Variants in CNGA1 observed in about 807,000 individuals in gnomAD.
CNGA1 encodes cyclic nucleotide-gated channel alpha-1.
CNGA1 carries 53 observed loss-of-function variants against 69.7 expected under a neutral mutation model. The ratio of observed to expected loss-of-function variants is 0.76; its 90% CI spans 0.61 to 0.96. The LOEUF is 0.96. Among genes scored for constraint, CNGA1 ranks in the 40% least tolerant of loss-of-function variants. The probability of loss-of-function intolerance (pLI) is 0.00; values close to 1 mark genes in which losing one functional copy is unlikely to be tolerated. For missense variants in CNGA1, 739 were observed against 811.2 expected, an observed-to-expected ratio of 0.91 and a Z score of 1.08; for synonymous variants, 249 against 283.5, an observed-to-expected ratio of 0.88 and a Z score of 1.22.
At position 47,950,062 on chromosome 4, in the gene CNGA1, A is replaced by G. The variant is rs537427434; in HGVS notation, c.225-167T>C. 3.2e-3 allele frequency among the ~76,000 whole-genome samples: 485 copies of G among 152,350 alleles called. 1 individual carries two copies. The highest frequency in any genetic ancestry group is 5.5e-3 in the Non-Finnish European group (372 of 68,028). Reference sequence around the variant, plus strand: ...ACATATTATGAAGCATAAAGCATAAAAGTATATCCTGAGCCTCCATGAAGC... The same window carrying G: ...ACATATTATGAAGCATAAAGCATAAGAGTATATCCTGAGCCTCCATGAAGC... On this transcript the variant is annotated intron_variant, in intron 5 of 10. Coordinates refer to ENST00000514170, the MANE Select transcript of CNGA1 (RefSeq NM_001379270.1).
intron 2 of CNGA1, among the ~76,000 whole-genome samples, chr4:48,003,078 T>C (rs321642): frequency 0.82 from 124,650 of 152,120 alleles, 51,538 homozygotes; most frequent in Middle Eastern, 0.89. Context: ...GAGGTCCTGA[T>C]GACATGTGCC....
rs970382175 is a variant in CNGA1, at chr4:47,959,773, T to G, written c.-14-7070A>C. 3.3e-5 allele frequency among the ~76,000 whole-genome samples: 5 copies of G among 152,154 alleles called. 1 individual carries two copies. The East Asian group carries it at 7.7e-4, about 24-fold the overall frequency. On this transcript the variant is annotated intron_variant, in intron 3 of 10. Transcript: ENST00000514170. ...CACCTGCCACCATGCCTGGCTAATT[T>G]TTTTGTATTTTTAGTAGAGTCGGGG...
rs1449963070 is a variant in CNGA1, at chr4:47,936,655, A to C, written c.1827T>G (p.Ile609Met). ...CTTTAGGATCACTGCCAGCATTTGC[A>C]ATGTTTAGATCCAGTAGACCATCTT... ...LMKDGLLDLN[I>M]ANAGSDPKDL... Residue 609 changes from isoleucine (I) to methionine (M), a missense_variant, in exon 11 of 11, where the codon ATT (isoleucine) becomes ATG (methionine). Coordinates refer to ENST00000514170, the MANE Select transcript of CNGA1 (RefSeq NM_001379270.1). 1.4e-5 allele frequency: 23 copies of C among 1,614,146 alleles called. No homozygotes were observed. The highest frequency in any genetic ancestry group is 1.9e-5 in the Non-Finnish European group (23 of 1,180,008).
intron 2 of CNGA1, among the ~76,000 whole-genome samples, chr4:47,984,356 A>G (rs1217562303): frequency 2.6e-5 from 4 of 152,034 alleles, no homozygotes; most frequent in African/African-American, 9.7e-5. Context: ...GGTGGCTCAC[A>G]CCTGTAATCA....
intron 6 of CNGA1, among the ~76,000 whole-genome samples, chr4:47,943,776 T>G (rs1739236235): frequency 6.6e-6 from 1 of 152,238 alleles, no homozygotes; most frequent in Non-Finnish European, 1.5e-5. Flanking sequence ...TCATTTACAT[T>G]TATCCTTGAA....
chr4:47,996,122 C>G (rs934298086), intron 2 of CNGA1, among the ~76,000 whole-genome samples: 1 of 152,156 alleles, frequency 6.6e-6, no homozygotes, highest in Non-Finnish European at 1.5e-5. Flanking sequence ...TTTATTCCTA[C>G]AGTCATTCTG....
chr4:47,943,715 C>T (rs1306906556), intron 6 of CNGA1, among the ~76,000 whole-genome samples: 6 of 152,190 alleles, frequency 3.9e-5, no homozygotes, highest in South Asian at 4.1e-4. Flanking sequence ...GAGTGTTCTT[C>T]GAAAGTGTTA....
At chr4:48,009,977 G>A (rs527723733) in intron 2 of CNGA1, among the ~76,000 whole-genome samples, 1 of 152,178 alleles carries the variant, frequency 6.6e-6, no homozygotes, top group South Asian at 2.1e-4. Context: ...TAGGCATGCC[G>A]ATAGAAGTAC....
In CNGA1 at chr4:47,943,399, T is replaced by C. The variant is rs766004809; in HGVS notation, c.301A>G (p.Lys101Glu). The C allele has an allele frequency of 9.3e-6, 14 of 1,498,132 alleles. 1 individual carries two copies. In the South Asian group the frequency reaches 1.7e-4, roughly 18 times the overall value. 92.8% of individuals were successfully genotyped at this position (1,498,132 alleles called of 1,614,324 possible). ...SSNKDQEPEE[K>E]KKKKKEKKSK... ...TTCTTTTCTTTTTTCTTTTTCTTTT[T>C]TTCTTCTGGTTCCCTAAAGAAAAAA... Residue 101 changes from lysine to glutamate, a missense_variant, in exon 7 of 11, where the codon AAA (lysine) becomes GAA (glutamate). Lys to Glu is a moderately conservative substitution (Grantham distance 56, BLOSUM62 1). Coordinates refer to ENST00000514170, the MANE Select transcript of CNGA1 (RefSeq NM_001379270.1).
intron 3 of CNGA1, among the ~76,000 whole-genome samples, chr4:47,980,141 C>G (rs1741621107): frequency 1.3e-5 from 2 of 152,174 alleles, no homozygotes; most frequent in Non-Finnish European, 2.9e-5. Flanking sequence ...ACTCCCTACC[C>G]TCTTTTATTT....
intron 2 of CNGA1, among the ~76,000 whole-genome samples, chr4:47,983,253 T>G (rs1477285005): frequency 8.9e-6 from 1 of 111,734 alleles, no homozygotes; most frequent in Non-Finnish European, 2.2e-5. Context: ...GTGTCCATCC[T>G]TTTATATCAT....
rs1044388449 is a variant in CNGA1 at position 47,997,067 on chromosome 4, A to C, written c.-123+13727T>G. On this transcript the variant is annotated intron_variant, in intron 2 of 10. Transcript: ENST00000514170. ...AGAGTGAGATTCTGTCTGAAAAAAA[A>C]CAAAAACTTAGGTAAATATGAAATC... Among the ~76,000 whole-genome samples, 8 of 152,144 alleles carry C rather than the reference A, an allele frequency of 5.3e-5. No homozygotes were observed. In the East Asian group the frequency reaches 5.8e-4, roughly 11 times the overall value.
intron 3 of CNGA1, among the ~76,000 whole-genome samples, chr4:47,977,767 T>C (rs991238425): frequency 2.0e-5 from 3 of 152,164 alleles, no homozygotes; most frequent in African/African-American, 7.2e-5. Context: ...AAAACACTAC[T>C]TGCATGTCTA....
intron 3 of CNGA1, among the ~76,000 whole-genome samples, chr4:47,961,456 G>A (rs1460995602): frequency 6.6e-6 from 1 of 152,192 alleles, no homozygotes; most frequent in African/African-American, 2.4e-5. Context: ...TAAATATGCT[G>A]TCCAGGCCAA....
chr4:47,988,901 T>C (rs1276970218), intron 2 of CNGA1, among the ~76,000 whole-genome samples: 1 of 152,000 alleles, frequency 6.6e-6, no homozygotes, highest in Non-Finnish European at 1.5e-5. Flanking sequence ...AGCGGACCCA[T>C]GTAGTTCAAG....
chr4:47,961,349 T>C (rs765583209), intron 3 of CNGA1, among the ~76,000 whole-genome samples: 3 of 152,052 alleles, frequency 2.0e-5, no homozygotes, highest in South Asian at 2.1e-4. Flanking sequence ...TTGAGTAAGG[T>C]TGGGGTTGGG....
At chr4:47,980,415 T>C (rs1316900363) in intron 3 of CNGA1, among the ~76,000 whole-genome samples, 2 of 152,144 alleles carry the variant, frequency 1.3e-5, no homozygotes, top group Non-Finnish European at 2.9e-5. Context: ...GTACGCATTT[T>C]TTAATTAAAG....
chr4:48,001,576 A>T (rs1019377905), intron 2 of CNGA1, among the ~76,000 whole-genome samples: 31 of 152,260 alleles, frequency 2.0e-4, no homozygotes, highest in Non-Finnish European at 4.4e-4. Context: ...TAATGATAAA[A>T]TTGTCTATTA....
At chr4:47,966,796 G>T (rs1740747461) in intron 3 of CNGA1, among the ~76,000 whole-genome samples, 1 of 152,096 alleles carries the variant, frequency 6.6e-6, no homozygotes, top group Admixed American at 6.6e-5. Context: ...AGAAATGTAG[G>T]TATAAATTTG....
Sources: gnomAD v4.1 joint callset for allele counts (sites outside exome capture counted in the v4.1 genomes callset) on GRCh38, gnomAD v4.1.1 for gene constraint, MANE v1.5 for transcripts, NCBI Gene and HGNC (gene_info 2026-07-23, HGNC 2026-07-21) for gene names.